Variants in CHN2 observed in about 807,000 individuals in gnomAD.
CHN2 encodes the protein beta-chimaerin.
Under a neutral mutation model 56.3 loss-of-function variants are expected in CHN2, and 35 were observed. The observed-to-expected ratio is 0.62, with a 90% CI of 0.47 to 0.82. The LOEUF is 0.82. Among genes scored for constraint, CHN2 ranks in the 40% least tolerant of loss-of-function variants. The probability of loss-of-function intolerance (pLI) is 0.00; values close to 1 mark genes in which losing one functional copy is unlikely to be tolerated. For synonymous variants in CHN2, 210 were observed against 212.8 expected (o/e 0.99, Z 0.12); for missense variants, 491 against 580.5 (o/e 0.85, Z 1.58).
Position 29,246,029 on chromosome 7 carries a change from T to C in CHN2, c.49+51039T>C, listed in dbSNP as rs567553950. On this transcript the variant is annotated intron_variant, in intron 1 of 12. Coordinates refer to ENST00000222792, the MANE Select transcript of CHN2 (RefSeq NM_004067.4). ...CTAAGGGTGAGGTAAGGATATCTAA[T>C]AAAATGTGACGAGGGAATTTTGTTT... Among the ~76,000 whole-genome samples the C allele has an allele frequency of 3.3e-5, 5 of 152,340 alleles. No individual in the cohort carries two copies. In the South Asian group the frequency reaches 1.0e-3, roughly 32 times the overall value.
intron 1 of CHN2, among the ~76,000 whole-genome samples, chr7:29,224,694 G>T (rs1786058742): frequency 6.6e-6 from 1 of 152,168 alleles, no homozygotes; most frequent in African/African-American, 2.4e-5. Context: ...TGGGGATAAA[G>T]TTAAAGAATT....
chr7:29,370,641 C>T (rs10248737), intron 3 of CHN2, among the ~76,000 whole-genome samples: 4,474 of 152,144 alleles, frequency 0.029, 226 homozygotes, highest in African/African-American at 0.1. Context: ...TTTCCCGGGC[C>T]ATGGGCCTCT....
chr7:29,259,641 C>G (rs1243831456), intron 1 of CHN2, among the ~76,000 whole-genome samples: 2 of 152,074 alleles, frequency 1.3e-5, no homozygotes, highest in African/African-American at 4.8e-5. Context: ...GGGGACCTAA[C>G]ATATAGCATG....
At chr7:29,391,133 G>A (rs1354079526) in intron 3 of CHN2, among the ~76,000 whole-genome samples, 3 of 151,994 alleles carry the variant, frequency 2.0e-5, no homozygotes, top group Admixed American at 2.0e-4. Context: ...AGACAAAAAA[G>A]GAAGGAGAGA....
chr7:29,294,155 G>A (rs984123724), intron 1 of CHN2, among the ~76,000 whole-genome samples: 1 of 152,026 alleles, frequency 6.6e-6, no homozygotes, highest in Admixed American at 6.5e-5. Context: ...TGTGAGCCAC[G>A]GCGCCCGGCC....
intron 1 of CHN2, among the ~76,000 whole-genome samples, chr7:29,300,467 T>C (rs912359488): frequency 1.5e-4 from 22 of 142,618 alleles, no homozygotes; most frequent in African/African-American, 5.1e-4. Context: ...GGCTTCTGAA[T>C]GGACAATCTT....
At chr7:29,358,882 A>G (rs1266928951) in intron 2 of CHN2, among the ~76,000 whole-genome samples, 2 of 152,236 alleles carry the variant, frequency 1.3e-5, no homozygotes, top group African/African-American at 2.4e-5. Context: ...GGCTTCAGAC[A>G]TGACTGTTCC....
intron 6 of CHN2, among the ~76,000 whole-genome samples, chr7:29,414,211 C>A (rs986971658): frequency 6.6e-6 from 1 of 152,106 alleles, no homozygotes; most frequent in Non-Finnish European, 1.5e-5. Context: ...ATGTTACCCT[C>A]CTGAAGGTTA....
intron 11 of CHN2, among the ~76,000 whole-genome samples, chr7:29,508,110 A>T (rs1790812391): frequency 6.6e-6 from 1 of 152,214 alleles, no homozygotes; most frequent in Non-Finnish European, 1.5e-5. Context: ...TGTGGCAAAT[A>T]TTATAATCCC....
chr7:29,239,759 T>C (rs1787507580), intron 1 of CHN2, among the ~76,000 whole-genome samples: 1 of 152,016 alleles, frequency 6.6e-6, no homozygotes, highest in South Asian at 2.1e-4. Flanking sequence ...TGCAAACTCC[T>C]CTGCATAGTG....
chr7:29,224,945 A>AAAATAAGGAT (rs1446911521), intron 1 of CHN2, among the ~76,000 whole-genome samples: 18 of 152,214 alleles, frequency 1.2e-4, no homozygotes, highest in Non-Finnish European at 1.3e-4. Context: ...CCGGAGAGAG[A>AAAATAAGGAT]AAATAAGGAT....
chr7:29,149,966 C>T lies in CHN2; in HGVS notation c.274+3006C>T, dbSNP rs140035946. Among the ~76,000 whole-genome samples, 1,319 of 152,330 alleles carry T rather than the reference C, an allele frequency of 8.7e-3. 23 individuals are homozygous for T. Among genetic ancestry groups the T allele is most frequent in the African/African-American group, 0.03 (1,251 of 41,566 alleles). On this transcript the variant is annotated intron_variant, in intron 2 of 6. Coordinates refer to the CHN2 transcript ENST00000439384. ...ACTCATTTTCAAAATAAGGCCACTTCACTGCTGCAATAGATATTTTTAGCC... is the reference window on the plus strand; with the variant it reads ...ACTCATTTTCAAAATAAGGCCACTTTACTGCTGCAATAGATATTTTTAGCC...
At chr7:29,432,003 A>C (rs184740005) in intron 6 of CHN2, among the ~76,000 whole-genome samples, 21 of 152,280 alleles carry the variant, frequency 1.4e-4, no homozygotes, top group African/African-American at 5.1e-4. Flanking sequence ...AGGTAGCTTC[A>C]ACTTCGGTTA....
At chr7:29,472,778 G>A (rs963020955) in intron 6 of CHN2, among the ~76,000 whole-genome samples, 3 of 152,160 alleles carry the variant, frequency 2.0e-5, no homozygotes, top group Admixed American at 1.3e-4. Context: ...TCTTTTATAG[G>A]TAGGTTAAAA....
intron 2 of CHN2, among the ~76,000 whole-genome samples, chr7:29,367,418 A>C (rs1229974144): frequency 1.3e-5 from 2 of 152,210 alleles, no homozygotes; most frequent in Non-Finnish European, 1.5e-5. Context: ...GGGAGAAAAG[A>C]GAGAGAAATG....
At chr7:29,398,347 G>C (rs1426641531) in intron 4 of CHN2, 26 bp from the exon 5 acceptor site, 4 of 1,525,672 alleles carry the variant, frequency 2.6e-6, no homozygotes, top group Non-Finnish European at 3.6e-6. Flanking sequence ...GGTCTGTTCA[G>C]AGCATTGATG....
At chr7:29,390,909 T>A (rs1801313289) in intron 3 of CHN2, among the ~76,000 whole-genome samples, 1 of 152,166 alleles carries the variant, frequency 6.6e-6, no homozygotes, top group Non-Finnish European at 1.5e-5. Flanking sequence ...CTTGAAGAAA[T>A]GTAGACGTTG....
chr7:29,296,805 A>C (rs934262766), intron 1 of CHN2, among the ~76,000 whole-genome samples: 7 of 152,240 alleles, frequency 4.6e-5, no homozygotes, highest in African/African-American at 1.7e-4. Context: ...CAGATGTTTA[A>C]TGAACTTACT....
chr7:29,434,701 G>A (rs765009513), intron 6 of CHN2, among the ~76,000 whole-genome samples: 5 of 152,090 alleles, frequency 3.3e-5, no homozygotes, highest in African/African-American at 7.2e-5. Context: ...GGCCATAGTC[G>A]CAGGTACTGG....
Sources: gnomAD v4.1 joint callset for allele counts (sites outside exome capture counted in the v4.1 genomes callset) on GRCh38, gnomAD v4.1.1 for gene constraint, MANE v1.5 for transcripts, NCBI Gene and HGNC (gene_info 2026-07-23, HGNC 2026-07-21) for gene names.